Variants in B3GALNT1 observed in about 807,000 individuals in gnomAD.
The protein encoded by B3GALNT1 is UDP-GalNAc:beta-1,3-N-acetylgalactosaminyltransferase 1.
Under a neutral mutation model 27.3 loss-of-function variants are expected in B3GALNT1, and 17 were observed. That is an observed-to-expected ratio of 0.62 (90% CI 0.43 to 0.94). B3GALNT1 has a LOEUF of 0.94. Among genes scored for constraint, B3GALNT1 ranks in the 40% least tolerant of loss-of-function variants. The probability of loss-of-function intolerance (pLI) is 0.00; values close to 1 mark genes in which losing one functional copy is unlikely to be tolerated. For synonymous variants in B3GALNT1, 141 were observed against 144.0 expected, an observed-to-expected ratio of 0.98 and a Z score of 0.15; for missense variants, 347 against 390.0, an observed-to-expected ratio of 0.89 and a Z score of 0.93.
At chr3:161,104,463 A>C in intron 1 of B3GALNT1, 57 bp from the exon 2 acceptor site, 1 of 792,184 alleles carries the variant, frequency 1.3e-6, no homozygotes, top group Non-Finnish European at 1.8e-6. Context: ...TCCCTCCTAA[A>C]TCCAACATTA....
At position 161,084,166 on chromosome 3, in the gene B3GALNT1, C is replaced by T. The variant is rs1306368373; in HGVS notation, c.*1593G>A. 2 of 152,188 alleles carry T rather than the reference C, an allele frequency of 1.3e-5. No individual in the cohort carries two copies. Among genetic ancestry groups the T allele is most frequent in the Non-Finnish European group, 2.9e-5 (2 of 68,032 alleles). The allele number at this position is 152,188 out of a possible 1,614,324, so 9.4% of individuals were successfully genotyped here. Reference sequence around the variant, plus strand: ...TAATCTTCTGCAAAACCAGTCAAATCTAACCATGCCACAAAAATAACTACC... The same window carrying T: ...TAATCTTCTGCAAAACCAGTCAAATTTAACCATGCCACAAAAATAACTACC... On this transcript the variant is annotated 3_prime_UTR_variant, in exon 5 of 5. Coordinates refer to ENST00000320474, the MANE Select transcript of B3GALNT1 (RefSeq NM_003781.4).
intron 4 of B3GALNT1, among the ~76,000 whole-genome samples, chr3:161,099,557 G>A (rs571178432): frequency 6.6e-6 from 1 of 152,214 alleles, no homozygotes; most frequent in Non-Finnish European, 1.5e-5. Context: ...AAGGATTCTA[G>A]TTCTGGCAGG....
At chr3:161,091,115 T>A (rs1181804248) in intron 4 of B3GALNT1, among the ~76,000 whole-genome samples, 1 of 151,456 alleles carries the variant, frequency 6.6e-6, no homozygotes, top group Non-Finnish European at 1.5e-5. Flanking sequence ...AAAAGAATAA[T>A]AAAATTAGCC....
intron 4 of B3GALNT1, among the ~76,000 whole-genome samples, chr3:161,096,298 G>C (rs35221490): frequency 0.017 from 2,546 of 152,230 alleles, 63 homozygotes; most frequent in African/African-American, 0.057. Flanking sequence ...TGCTGATTCT[G>C]ATCATGTGCA....
chr3:161,086,556 G>A lies in B3GALNT1; in HGVS notation c.199C>T (p.Leu67Phe), dbSNP rs760016556. 2.5e-6 allele frequency: 4 copies of A among 1,614,218 alleles called. No homozygotes were observed. The South Asian group carries it at 3.3e-5, about 13-fold the overall frequency. Residue 67 changes from leucine to phenylalanine, a missense_variant, in exon 5 of 5, where the codon CTT becomes TTT. Transcript: ENST00000320474. ...PIYRQDFHFT[L>F]REHSNCSHQN... Reference sequence around the variant, plus strand: ...TGAGAGCAGTTTGAATGCTCTCGAAGTGTGAAGTGAAAGTCTTGTCTGTAA... The same window carrying A: ...TGAGAGCAGTTTGAATGCTCTCGAAATGTGAAGTGAAAGTCTTGTCTGTAA...
intron 4 of B3GALNT1, among the ~76,000 whole-genome samples, chr3:161,092,770 T>TTTC (rs1725931418): frequency 1.4e-5 from 2 of 142,652 alleles, no homozygotes; most frequent in Admixed American, 1.4e-4. Context: ...TTTCTTTTTT[T>TTTC]TTTTTTTTTT....
At chr3:161,092,889 A>T (rs1450492714) in intron 4 of B3GALNT1, among the ~76,000 whole-genome samples, 1 of 148,950 alleles carries the variant, frequency 6.7e-6, no homozygotes, top group Admixed American at 6.8e-5. Flanking sequence ...CCGCCTGAGT[A>T]GCTGGGACTA....
At chr3:161,102,317 T>C (rs1280462963) in intron 3 of B3GALNT1, among the ~76,000 whole-genome samples, 2 of 152,150 alleles carry the variant, frequency 1.3e-5, no homozygotes, top group East Asian at 3.9e-4. Flanking sequence ...TCTAGCTTTC[T>C]TTTAGTTCCT....
At chr3:161,099,805 C>G (rs1486867555) in intron 4 of B3GALNT1, among the ~76,000 whole-genome samples, 2 of 150,854 alleles carry the variant, frequency 1.3e-5, no homozygotes, top group African/African-American at 2.5e-5. Flanking sequence ...TGTCCCCCTT[C>G]TCTAACACAC....
In B3GALNT1 at chr3:161,085,922, T is replaced by G. The variant is rs1721440453; in HGVS notation, c.833A>C (p.Lys278Thr). 1 of 1,610,758 alleles carries G rather than the reference T, an allele frequency of 6.2e-7. No homozygotes were observed. The highest frequency in any genetic ancestry group is 8.5e-7 in the Non-Finnish European group (1 of 1,178,380). ...VYVGICLNLL[K>T]VNIHIPEDTN... Reference sequence around the variant, plus strand: ...GTCTTCTGGAATATGAATGTTCACTTTTAATAAATTCAAACAGATCCCGAC... The same window carrying G: ...GTCTTCTGGAATATGAATGTTCACTGTTAATAAATTCAAACAGATCCCGAC... Residue 278 changes from lysine (K) to threonine (T), a missense_variant, in exon 5 of 5, where the codon AAA becomes ACA. Coordinates refer to ENST00000320474, the MANE Select transcript of B3GALNT1 (RefSeq NM_003781.4).
At chr3:161,087,910 C>T (rs887401959) in intron 4 of B3GALNT1, among the ~76,000 whole-genome samples, 7 of 152,142 alleles carry the variant, frequency 4.6e-5, no homozygotes, top group African/African-American at 1.7e-4. Context: ...CAGCACAGTG[C>T]AGTACACACT....
At chr3:161,089,095 C>G (rs1185163307) in intron 4 of B3GALNT1, among the ~76,000 whole-genome samples, 1 of 152,234 alleles carries the variant, frequency 6.6e-6, no homozygotes, top group Non-Finnish European at 1.5e-5. Context: ...CACCAAAGTC[C>G]ACTCTCCAGC....
intron 4 of B3GALNT1, among the ~76,000 whole-genome samples, chr3:161,093,148 G>C (rs1726218717): frequency 6.6e-6 from 1 of 152,132 alleles, no homozygotes; most frequent in Non-Finnish European, 1.5e-5. Context: ...AGTCAGCACA[G>C]GGCCTGGTCC....
At chr3:161,104,191 G>A (rs1733034778) in intron 2 of B3GALNT1, 128 bp downstream of exon 2, 2 of 560,382 alleles carry the variant, frequency 3.6e-6, no homozygotes, top group African/African-American at 2.0e-5. Flanking sequence ...AGTAATTTGT[G>A]CTTTTATCAG....
chr3:161,101,067 C>A (rs1465300675), intron 4 of B3GALNT1, 72 bp downstream of exon 4: 16 of 1,185,244 alleles, frequency 1.3e-5, no homozygotes, highest in Non-Finnish European at 1.8e-5. Context: ...GAGAGACCAA[C>A]CTCACATCTA....
intron 4 of B3GALNT1, among the ~76,000 whole-genome samples, chr3:161,095,722 T>TG (rs1405344407): frequency 2.0e-5 from 3 of 152,136 alleles, no homozygotes; most frequent in African/African-American, 7.2e-5. Context: ...GCTGCAAGGC[T>TG]GGGGGCAGCA....
Position 161,104,380 on chromosome 3 carries a change from C to G in B3GALNT1, c.-282G>C, listed in dbSNP as rs1733143633. On this transcript the variant is annotated 5_prime_UTR_variant, in exon 2 of 5. Transcript: ENST00000320474. ...TCTTCCTTGATAGCTTTTCCCACAA[C>G]GCAGCCACCTCCTAAACGCAGGCAA... 7.8e-7 allele frequency: 1 copy of G among 1,288,756 alleles called. No homozygotes were observed. Among genetic ancestry groups the G allele is most frequent in the Admixed American group, 2.3e-5 (1 of 43,352 alleles). The allele number at this position is 1,288,756 out of a possible 1,614,324, so 79.8% of individuals were successfully genotyped here. A position where few individuals can be genotyped will look rare whatever the true frequency, so the allele number is the denominator to read the frequency against.
In B3GALNT1 at chr3:161,086,255, G is replaced by A. The variant is rs775614396; in HGVS notation, c.500C>T (p.Thr167Ile). The A allele has an allele frequency of 6.2e-7, 1 of 1,614,040 alleles. No individual in the cohort carries two copies. Among genetic ancestry groups the A allele is most frequent in the African/African-American group, 1.3e-5 (1 of 74,920 alleles). Residue 167 changes from threonine (T) to isoleucine (I), a missense_variant, in exon 5 of 5, where the codon ACT (threonine) becomes ATT (isoleucine). Transcript: ENST00000320474. ...GTACTTGGCATTGGGGCAAAACTCA[G>A]TTACCCACCTGAATGCCATAATGGT... ...LKTIMAFRWV[T>I]EFCPNAKYVM...
Position 161,103,534 on chromosome 3 carries a change from A to G in B3GALNT1, c.-220-17T>C, listed in dbSNP as rs571526794. On this transcript the variant is annotated splice_polypyrimidine_tract_variant and intron_variant, in intron 2 of 4. Transcript: ENST00000320474. ...TGTGAACTACTGAACAGAAGAACAG[A>G]AAAAAATATATATGAGTCATAACAT... The G allele has an allele frequency of 8.9e-6, 9 of 1,013,452 alleles. No homozygotes were observed. The African/African-American group carries it at 1.2e-4, about 13-fold the overall frequency. The allele number at this position is 1,013,452 out of a possible 1,614,324, so 62.8% of individuals were successfully genotyped here.
Sources: allele counts gnomAD v4.1 joint callset (sites outside exome capture counted in the v4.1 genomes callset), GRCh38; gene constraint gnomAD v4.1.1; transcripts MANE v1.5; gene names NCBI Gene and HGNC (gene_info 2026-07-23, HGNC 2026-07-21).